CATSPERD: variants seen among roughly 807,000 people sequenced by gnomAD.
CATSPERD encodes the protein cation channel sperm-associated auxiliary subunit delta.
In CATSPERD, 86 loss-of-function variants were observed where a neutral mutation model predicts 98.1. That is an observed-to-expected ratio of 0.88 (90% CI 0.74 to 1.05). The LOEUF (loss-of-function observed/expected upper bound fraction) is 1.05. Among genes scored for constraint, CATSPERD ranks in the 50% least tolerant of loss-of-function variants. CATSPERD has a pLI of 0.00. For synonymous variants in CATSPERD, 394 were observed against 390.2 expected (o/e 1.01, Z -0.12); for missense variants, 995 against 1,005.7 (o/e 0.99, Z 0.14).
At chr19:5,765,925 A>C (rs538314358) in intron 16 of CATSPERD, among the ~76,000 whole-genome samples, 178 bp from the exon 17 acceptor site, 1 of 152,120 alleles carries the variant, frequency 6.6e-6, no homozygotes, top group South Asian at 2.1e-4. Context: ...TCAGAGCTTA[A>C]GCTCCGCGGG....
intron 3 of CATSPERD, among the ~76,000 whole-genome samples, chr19:5,728,503 G>A (rs903020470): frequency 6.6e-6 from 1 of 151,776 alleles, no homozygotes; most frequent in African/African-American, 2.4e-5. Flanking sequence ...GGTACAGTGA[G>A]CCATGAGCAC....
At chr19:5,749,273 C>A in intron 11 of CATSPERD, 90 bp downstream of exon 11, 1 of 857,726 alleles carries the variant, frequency 1.2e-6, no homozygotes, top group African/African-American at 1.8e-5. Context: ...GGAAGGATCA[C>A]CTGAGGTCAG....
chr19:5,754,603 G>A (rs1460236372), intron 13 of CATSPERD, among the ~76,000 whole-genome samples: 1 of 151,890 alleles, frequency 6.6e-6, no homozygotes, highest in Non-Finnish European at 1.5e-5. Flanking sequence ...CCCCCATGTT[G>A]GTCAGGCTGG....
intron 20 of CATSPERD, among the ~76,000 whole-genome samples, chr19:5,775,076 A>G (rs535281040): frequency 6.6e-6 from 1 of 152,304 alleles, no homozygotes; most frequent in African/African-American, 2.4e-5. Flanking sequence ...TTAAGCCTCC[A>G]GCCTCCACAG....
chr19:5,735,413 C>T (rs968191840), intron 5 of CATSPERD, among the ~76,000 whole-genome samples: 3 of 152,080 alleles, frequency 2.0e-5, no homozygotes, highest in African/African-American at 7.2e-5. Flanking sequence ...CGGGTTCAAG[C>T]GATTCTCCTG....
chr19:5,771,141 A>T, intron 19 of CATSPERD, 69 bp downstream of exon 19: 6 of 1,531,174 alleles, frequency 3.9e-6, no homozygotes, highest in Non-Finnish European at 5.3e-6. Context: ...GCCCTGGGGT[A>T]CCAGCCTGGC....
At position 5,757,828 on chromosome 19, in the gene CATSPERD, C is replaced by T. The variant is rs1056505175; in HGVS notation, c.1279-15C>T. ...CTGGCTCCGTACAGCCTGAGCTTCT[C>T]TCCCCCACTCCCAGGTGATGGTGAG... On this transcript the variant is annotated splice_polypyrimidine_tract_variant and intron_variant, in intron 13 of 21. Coordinates refer to ENST00000381624, the MANE Select transcript of CATSPERD (RefSeq NM_152784.4). The T allele has an allele frequency of 3.7e-6, 6 of 1,607,664 alleles. No homozygotes were observed. In the African/African-American group the frequency reaches 5.4e-5, roughly 14 times the overall value.
At chr19:5,743,187 C>T (rs2056022510) in intron 7 of CATSPERD, among the ~76,000 whole-genome samples, 1 of 152,018 alleles carries the variant, frequency 6.6e-6, no homozygotes, top group African/African-American at 2.4e-5. Flanking sequence ...CCTGTAATCC[C>T]AGCTACTCGG....
chr19:5,767,617 G>A (rs548185914), intron 17 of CATSPERD, among the ~76,000 whole-genome samples: 10 of 146,742 alleles, frequency 6.8e-5, no homozygotes, highest in Admixed American at 5.5e-4. Context: ...CCTCCGAGTA[G>A]CTGGGACTAC....
intron 8 of CATSPERD, 151 bp from the exon 9 acceptor site, chr19:5,745,762 A>G (rs1239512503): frequency 3.0e-6 from 2 of 658,920 alleles, no homozygotes; most frequent in Non-Finnish European, 4.9e-6. Flanking sequence ...TGTATTTAAT[A>G]AAAATAAAAA....
intron 21 of CATSPERD, 32 bp downstream of exon 21, chr19:5,776,347 G>A: frequency 1.9e-6 from 3 of 1,607,578 alleles, no homozygotes; most frequent in Non-Finnish European, 2.6e-6. Context: ...TACGACAGGG[G>A]ACGCCTGGTG....
intron 21 of CATSPERD, among the ~76,000 whole-genome samples, chr19:5,777,115 G>A (rs1426964423): frequency 1.3e-5 from 2 of 152,050 alleles, no homozygotes; most frequent in Non-Finnish European, 2.9e-5. Context: ...GGGACACCAG[G>A]TGGAAATCTT....
At chr19:5,722,810 G>A (rs1341273889) in intron 1 of CATSPERD, among the ~76,000 whole-genome samples, 2 of 151,254 alleles carry the variant, frequency 1.3e-5, no homozygotes, top group Admixed American at 1.3e-4. Flanking sequence ...CATCCTTCCA[G>A]TCACCACACA....
intron 11 of CATSPERD, among the ~76,000 whole-genome samples, chr19:5,750,186 C>G (rs534299528): frequency 1.4e-5 from 2 of 147,824 alleles, no homozygotes; most frequent in East Asian, 2.0e-4. Flanking sequence ...TGGTGGCTCA[C>G]GCCTGTAATC....
intron 10 of CATSPERD, 28 bp from the exon 11 acceptor site, chr19:5,749,073 T>C: frequency 6.3e-7 from 1 of 1,587,586 alleles, no homozygotes; most frequent in Non-Finnish European, 8.6e-7. Context: ...ATTTCAATTT[T>C]TGTTTTGTCT....
At chr19:5,740,047 C>T (rs997216008) in intron 7 of CATSPERD, among the ~76,000 whole-genome samples, 2 of 151,942 alleles carry the variant, frequency 1.3e-5, no homozygotes, top group Non-Finnish European at 2.9e-5. Context: ...TTTGGGAGGC[C>T]GAGGTGGGCA....
chr19:5,726,105 A>C (rs922006118), intron 2 of CATSPERD, among the ~76,000 whole-genome samples: 3 of 148,244 alleles, frequency 2.0e-5, no homozygotes, highest in Admixed American at 6.8e-5. Context: ...TCTGTCACCC[A>C]GGCTGGAGTG....
chr19:5,729,695 A>C (rs2055676650), intron 3 of CATSPERD, among the ~76,000 whole-genome samples, 177 bp from the exon 4 acceptor site: 1 of 152,206 alleles, frequency 6.6e-6, no homozygotes, highest in African/African-American at 2.4e-5. Flanking sequence ...TATTTCTGGA[A>C]GTCAAACACC....
intron 11 of CATSPERD, among the ~76,000 whole-genome samples, chr19:5,750,281 T>A (rs1173567712): frequency 2.0e-5 from 3 of 147,110 alleles, no homozygotes; most frequent in Non-Finnish European, 4.5e-5. Context: ...ACCCCGTCTC[T>A]ACTAAAAAAA....
Sources: gnomAD v4.1 joint callset for allele counts (sites outside exome capture counted in the v4.1 genomes callset) on GRCh38, gnomAD v4.1.1 for gene constraint, MANE v1.5 for transcripts, NCBI Gene and HGNC (gene_info 2026-07-23, HGNC 2026-07-21) for gene names.